The following CDK10 variants were observed in gnomAD, a reference collection of about 807,000 sequenced individuals.
CDK10 encodes cyclin-dependent kinase 10.
A neutral mutation model predicts 51.0 loss-of-function variants in CDK10; 55 were observed. The observed-to-expected ratio is 1.08, with a 90% CI of 0.87 to 1.35. The LOEUF is 1.35. CDK10 is among the 40% of genes most tolerant of loss of function. CDK10 has a pLI of 0.00. For missense variants in CDK10, 589 were observed against 485.1 expected (o/e 1.21, Z -2.01); for synonymous variants, 255 against 199.1 (o/e 1.28, Z -2.36).
chr16:89,687,145 T>A (rs1226414095), intron 1 of CDK10: 2 of 216,006 alleles, frequency 9.3e-6, no homozygotes, highest in African/African-American at 2.3e-5. Context: ...GCCACTTGTT[T>A]GTGGGGAGAA....
In CDK10 at chr16:89,694,517, T is replaced by A; in HGVS notation, c.669-148T>A. On this transcript the variant is annotated intron_variant, in intron 9 of 12. Transcript: ENST00000353379. ...CGGGGCCCAGGAGGGGAGCCAGTGGTCCCTGCCTGTCCTTCACAGTGTCCC... is the reference window on the plus strand; with the variant it reads ...CGGGGCCCAGGAGGGGAGCCAGTGGACCCTGCCTGTCCTTCACAGTGTCCC... The A allele has an allele frequency of 2.1e-6, 3 of 1,411,934 alleles. No individual in the cohort carries two copies. In the South Asian group the frequency reaches 3.8e-5, roughly 18 times the overall value. 87.5% of individuals were successfully genotyped at this position (1,411,934 alleles called of 1,614,324 possible).
At chr16:89,694,448 G>A (rs1190797906) in intron 9 of CDK10, 1 of 885,744 alleles carries the variant, frequency 1.1e-6, no homozygotes, top group Non-Finnish European at 1.8e-6. Flanking sequence ...CAGAGGTCTG[G>A]AGGAGGCACG....
At chr16:89,690,400 G>A (rs558818263) in intron 2 of CDK10, 153 bp from the exon 3 acceptor site, 27 of 684,848 alleles carry the variant, frequency 3.9e-5, no homozygotes, top group Admixed American at 1.5e-4. Flanking sequence ...GGCTAGGGGC[G>A]TTGCACAGAG....
At chr16:89,695,481 TG>T in intron 12 of CDK10, 113 bp from the exon 13 acceptor site, 1 of 1,463,760 alleles carries the variant, frequency 6.8e-7, no homozygotes, top group Non-Finnish European at 9.4e-7. Flanking sequence ...CAGGGGCATG[TG>T]GAGGCACAGA....
intron 4 of CDK10, 86 bp from the exon 5 acceptor site, chr16:89,691,720 C>T: frequency 7.3e-7 from 1 of 1,377,360 alleles, no homozygotes; most frequent in South Asian, 1.2e-5. Context: ...TTGTCCTGCC[C>T]ATGTCCCCTC....
Position 89,694,713 on chromosome 16 carries a change from C to A in CDK10, c.717C>A (p.Leu239=), listed in dbSNP as rs1381700005. 8.8e-6 allele frequency: 14 copies of A among 1,585,548 alleles called. No homozygotes were observed. Among genetic ancestry groups the A allele is most frequent in the Middle Eastern group, 1.7e-4 (1 of 6,048 alleles). Residue 239 remains leucine, a synonymous_variant, in exon 10 of 13, where the codon CTC becomes CTA. Transcript: ENST00000353379. Reference sequence around the variant, plus strand: ...AGCTGCTGGCGCACAGGCCTCTTCTCCCCGGCACTTCCGAGATCCACCAGA... The same window carrying A: ...AGCTGCTGGCGCACAGGCCTCTTCTACCCGGCACTTCCGAGATCCACCAGA... The part of the protein sequence containing the change: ...LAELLAHRPL[L]PGTSEIHQID...
At chr16:89,688,829 G>A (rs189859036) in intron 1 of CDK10, among the ~76,000 whole-genome samples, 1 of 152,296 alleles carries the variant, frequency 6.6e-6, no homozygotes, top group East Asian at 1.9e-4. Context: ...GGCCGGGTAC[G>A]GTGGCTCACG....
At chr16:89,691,940 G>A in intron 5 of CDK10, 53 bp downstream of exon 5, 2 of 1,480,756 alleles carry the variant, frequency 1.4e-6, no homozygotes, top group African/African-American at 1.4e-5. Flanking sequence ...GGCCCTTGTG[G>A]TGCACATTTA....
chr16:89,693,086 C>T (rs1361209958), intron 6 of CDK10, among the ~76,000 whole-genome samples, 188 bp from the exon 7 acceptor site: 3 of 150,536 alleles, frequency 2.0e-5, no homozygotes, highest in African/African-American at 4.9e-5. Context: ...TGCAGTGAGC[C>T]GGGATTGCTC....
At chr16:89,688,124 C>G (rs889531575) in intron 1 of CDK10, among the ~76,000 whole-genome samples, 2 of 143,976 alleles carry the variant, frequency 1.4e-5, no homozygotes, top group African/African-American at 5.2e-5. Flanking sequence ...TTCTGTCACC[C>G]AGGCTGGAGT....
In CDK10 at chr16:89,686,693, G is replaced by T. The variant is rs746454216; in HGVS notation, c.-18G>T. ...GCGTCTGCGCCTGCGCGCAAGAGAG[G>T]CGGGGCCAGCGCTCGGCATGGCGGA... On this transcript the variant is annotated 5_prime_UTR_variant, in exon 1 of 13. Coordinates refer to ENST00000353379, the MANE Select transcript of CDK10 (RefSeq NM_052988.5). 3 of 1,536,320 alleles carry T rather than the reference G, an allele frequency of 2.0e-6. No individual in the cohort carries two copies. The highest frequency in any genetic ancestry group is 2.7e-6 in the Non-Finnish European group (3 of 1,129,450).
chr16:89,692,409 G>A (rs1165257839), intron 5 of CDK10, 40 bp from the exon 6 acceptor site: 1 of 1,474,724 alleles, frequency 6.8e-7, no homozygotes. Context: ...GGGCTTCCCT[G>A]CAGGCTCACC....
intron 1 of CDK10, chr16:89,687,430 C>T (rs2060242939): frequency 2.2e-6 from 1 of 450,928 alleles, no homozygotes; most frequent in Non-Finnish European, 4.5e-6. Context: ...GCCACGTGTT[C>T]AGTAAGAATC....
chr16:89,689,250 A>C lies in CDK10; in HGVS notation c.88-2A>C. On this transcript the variant is annotated splice_acceptor_variant, in intron 1 of 12. Transcript: ENST00000353379. LOFTEE classifies it high-confidence loss of function. Reference sequence around the variant, plus strand: ...CACACTGGCAACACCCTTCTGTTTCAGCTGGGACGATGCCGGAGTGTGAAG... The same window carrying C: ...CACACTGGCAACACCCTTCTGTTTCCGCTGGGACGATGCCGGAGTGTGAAG... 1 of 1,614,052 alleles carries C rather than the reference A, an allele frequency of 6.2e-7. No homozygotes were observed. The highest frequency in any genetic ancestry group is 2.2e-5 in the East Asian group (1 of 44,876).
Position 89,695,675 on chromosome 16 carries a change from A to G in CDK10, c.1066A>G (p.Lys356Glu). 1 of 1,599,640 alleles carries G rather than the reference A, an allele frequency of 6.3e-7. No homozygotes were observed. Among genetic ancestry groups the G allele is most frequent in the Non-Finnish European group, 8.5e-7 (1 of 1,175,168 alleles). ...AAPATSEGQS[K>E]RCKP ...CCCAGCCACCTCCGAGGGCCAGAGCAAGCGCTGTAAACCCTGACGGTGGGC... is the reference window on the plus strand; with the variant it reads ...CCCAGCCACCTCCGAGGGCCAGAGCGAGCGCTGTAAACCCTGACGGTGGGC... Residue 356 changes from lysine (K) to glutamate (E), a missense_variant, in exon 13 of 13, where the codon AAG (lysine) becomes GAG (glutamate). Lys to Glu is a moderately conservative substitution (Grantham distance 56). Coordinates refer to ENST00000353379, the MANE Select transcript of CDK10 (RefSeq NM_052988.5).
chr16:89,686,970 C>T (rs940308963), intron 1 of CDK10, 173 bp downstream of exon 1: 7 of 552,268 alleles, frequency 1.3e-5, no homozygotes, highest in Non-Finnish European at 1.9e-5. Context: ...GGGCTCAGGA[C>T]CCCCGACAGC....
chr16:89,688,652 A>G (rs1224153903), intron 1 of CDK10, among the ~76,000 whole-genome samples: 1 of 152,188 alleles, frequency 6.6e-6, no homozygotes, highest in East Asian at 1.9e-4. Context: ...AGCGTTTCAT[A>G]ACTTCCAGGA....
chr16:89,688,157 C>T (rs2151557545), intron 1 of CDK10, among the ~76,000 whole-genome samples: 1 of 145,294 alleles, frequency 6.9e-6, no homozygotes, highest in East Asian at 2.1e-4. Context: ...TCTCGGCTCA[C>T]TGCAAGCTCC....
rs545492752 is a variant in CDK10 at position 89,692,788 on chromosome 16, G to A, written c.485+272G>A. ...GCCACCACACCCAGGCATGCACTCC[G>A]ATTTTTAAAAGGTCCAAACATCAAC... On this transcript the variant is annotated intron_variant, in intron 6 of 12. Coordinates refer to ENST00000353379, the MANE Select transcript of CDK10 (RefSeq NM_052988.5). The A allele has an allele frequency of 1.4e-5, 4 of 295,092 alleles. No individual in the cohort carries two copies. The South Asian group carries it at 3.3e-4, about 24-fold the overall frequency. The allele number at this position is 295,092 out of a possible 1,614,324, so 18.3% of individuals were successfully genotyped here.
Sources: gnomAD v4.1 joint callset for allele counts (sites outside exome capture counted in the v4.1 genomes callset) on GRCh38, gnomAD v4.1.1 for gene constraint, MANE v1.5 for transcripts, NCBI Gene and HGNC (gene_info 2026-07-23, HGNC 2026-07-21) for gene names.